ESRRG: variants seen among roughly 807,000 people sequenced by gnomAD.
ESRRG encodes the protein estrogen-related receptor gamma.
In ESRRG, 13 loss-of-function variants were observed where a neutral mutation model predicts 44.0. The ratio of observed to expected loss-of-function variants is 0.30; its 90% CI spans 0.19 to 0.47. ESRRG has a LOEUF of 0.47. ESRRG is among the 20% of genes least tolerant of loss of function. The pLI is 1.00. For synonymous variants in ESRRG, 215 were observed against 214.6 expected (o/e 1.00, Z -0.02); for missense variants, 395 against 580.6 (o/e 0.68, Z 3.29).
chr1:216,634,633 G>A (rs892779973), intron 3 of ESRRG, among the ~76,000 whole-genome samples: 5 of 152,150 alleles, frequency 3.3e-5, no homozygotes, highest in Admixed American at 2.0e-4. Context: ...ACGAGCCAGT[G>A]CAGAATAGCT....
chr1:216,960,970 C>A (rs543078768), intron 1 of ESRRG, among the ~76,000 whole-genome samples: 6 of 152,174 alleles, frequency 3.9e-5, no homozygotes, highest in African/African-American at 1.2e-4. Flanking sequence ...AGGAACATAC[C>A]AAATTTGTTT....
chr1:216,839,120 TA>T (rs1384771051), intron 2 of ESRRG, among the ~76,000 whole-genome samples: 3 of 152,216 alleles, frequency 2.0e-5, no homozygotes, highest in African/African-American at 7.2e-5. Flanking sequence ...ATCCTGACAC[TA>T]CTTTATCAAC....
At chr1:216,913,756 C>A (rs2060791435) in intron 2 of ESRRG, among the ~76,000 whole-genome samples, 3 of 152,172 alleles carry the variant, frequency 2.0e-5, no homozygotes, top group Admixed American at 2.0e-4. Context: ...AAGCACTTTA[C>A]AATGTATAAA....
chr1:217,069,673 A>G (rs1380186094), intron 1 of ESRRG, among the ~76,000 whole-genome samples: 1 of 152,022 alleles, frequency 6.6e-6, no homozygotes. Context: ...TCTTCAAAAC[A>G]AACATGCAAA....
chr1:216,835,982 T>C (rs751224724), intron 2 of ESRRG, among the ~76,000 whole-genome samples: 3 of 151,136 alleles, frequency 2.0e-5, no homozygotes, highest in African/African-American at 7.3e-5. Context: ...AAGCAGAGTT[T>C]AAGAAAAAGT....
intron 1 of ESRRG, among the ~76,000 whole-genome samples, chr1:216,708,064 T>C (rs2082789095): frequency 6.6e-6 from 1 of 152,172 alleles, no homozygotes; most frequent in South Asian, 2.1e-4. Context: ...AACTGTGGAA[T>C]GGAAACAATT....
At chr1:216,971,466 G>A (rs1033029513) in intron 1 of ESRRG, among the ~76,000 whole-genome samples, 3 of 152,060 alleles carry the variant, frequency 2.0e-5, no homozygotes, top group Non-Finnish European at 2.9e-5. Flanking sequence ...GGCAAAATTC[G>A]TAAAACAATA....
At chr1:217,121,119 T>TACACACAC (rs71163790) in intron 1 of ESRRG, among the ~76,000 whole-genome samples, 37 of 148,458 alleles carry the variant, frequency 2.5e-4, no homozygotes, top group African/African-American at 4.8e-4. Flanking sequence ...TCTTGAAGAA[T>TACACACAC]ACACACACAC....
chr1:216,552,000 C>T (rs757249463), intron 5 of ESRRG, among the ~76,000 whole-genome samples: 22 of 152,056 alleles, frequency 1.4e-4, no homozygotes, highest in African/African-American at 2.4e-4. Context: ...AGATTCTGAA[C>T]CATATCTATA....
chr1:216,691,795 A>G (rs1430150531), intron 1 of ESRRG, among the ~76,000 whole-genome samples: 3 of 152,128 alleles, frequency 2.0e-5, no homozygotes, highest in African/African-American at 7.2e-5. Flanking sequence ...TCAGCCTTGT[A>G]TCTTAAACTA....
chr1:216,606,327 G>A (rs2059930974), intron 3 of ESRRG, among the ~76,000 whole-genome samples: 1 of 152,090 alleles, frequency 6.6e-6, no homozygotes, highest in Non-Finnish European at 1.5e-5. Flanking sequence ...ACTCAGACGT[G>A]GTAGTAAACG....
chr1:216,854,353 C>CAAAAAAAAAAAAAAAAA (rs57421256), intron 2 of ESRRG, among the ~76,000 whole-genome samples: 1 of 67,118 alleles, frequency 1.5e-5, no homozygotes. Context: ...AAGACACCAT[C>CAAAAAAAAAAAAAAAAA]AAAAAAAAAA....
intron 1 of ESRRG, chr1:216,707,258 G>C (rs2082635707): frequency 3.8e-6 from 5 of 1,304,356 alleles, no homozygotes; most frequent in Non-Finnish European, 4.2e-6. Context: ...TCATTAATCA[G>C]TCTAAAAAAA....
upstream of ESRRG, among the ~76,000 whole-genome samples, chr1:217,091,283 G>A (rs778773702): frequency 3.9e-5 from 6 of 152,130 alleles, no homozygotes; most frequent in East Asian, 1.9e-4. Context: ...AGCAGAGGCC[G>A]AGGTTGCAAA....
At chr1:216,514,608 T>C (rs1427509115) in intron 6 of ESRRG, among the ~76,000 whole-genome samples, 1 of 152,136 alleles carries the variant, frequency 6.6e-6, no homozygotes, top group African/African-American at 2.4e-5. Context: ...TTGTAATGGG[T>C]AAAGTCTTCT....
intron 2 of ESRRG, among the ~76,000 whole-genome samples, chr1:216,729,064 T>C (rs1222526641): frequency 6.6e-6 from 1 of 152,280 alleles, no homozygotes; most frequent in East Asian, 1.9e-4. Context: ...GGGATGAGGC[T>C]TTGTACTGGA....
intron 2 of ESRRG, among the ~76,000 whole-genome samples, chr1:216,854,221 G>C (rs1480398450): frequency 6.6e-6 from 1 of 151,900 alleles, no homozygotes; most frequent in Admixed American, 6.6e-5. Context: ...GCTGGCTGTG[G>C]TGGCGTGTGC....
chr1:216,726,731 T>G (rs2087601544), upstream of ESRRG, among the ~76,000 whole-genome samples: 1 of 152,158 alleles, frequency 6.6e-6, no homozygotes, highest in Non-Finnish European at 1.5e-5. Context: ...AGGCTCTTGG[T>G]GTATGCATAG....
At chr1:217,119,796 C>G (rs2092795274) in intron 1 of ESRRG, among the ~76,000 whole-genome samples, 18 of 152,126 alleles carry the variant, frequency 1.2e-4, no homozygotes. Context: ...ACTTCTTAGC[C>G]AGGGATTTAA....
Sources: gnomAD v4.1 joint callset for allele counts (sites outside exome capture counted in the v4.1 genomes callset) on GRCh38, gnomAD v4.1.1 for gene constraint, MANE v1.5 for transcripts, NCBI Gene and HGNC (gene_info 2026-07-23, HGNC 2026-07-21) for gene names.